Variants in PTPRD observed in about 807,000 individuals in gnomAD.
The protein encoded by PTPRD is protein tyrosine phosphatase receptor type D.
PTPRD carries 34 observed loss-of-function variants against 214.5 expected under a neutral mutation model. That is an observed-to-expected ratio of 0.16 (90% CI 0.12 to 0.21). PTPRD has a LOEUF of 0.21. Ranked by LOEUF, PTPRD falls within the 10% of genes least tolerant of loss-of-function variation. The probability of loss-of-function intolerance (pLI) is 1.00; values close to 1 mark genes in which losing one functional copy is unlikely to be tolerated. For synonymous variants in PTPRD, 1,128 were observed against 845.7 expected, an observed-to-expected ratio of 1.33 and a Z score of -5.79; for missense variants, 2,545 against 2,398.7, an observed-to-expected ratio of 1.06 and a Z score of -1.27.
intron 8 of PTPRD, among the ~76,000 whole-genome samples, chr9:9,506,263 T>A (rs1013901034): frequency 6.6e-6 from 1 of 151,336 alleles, no homozygotes; most frequent in Non-Finnish European, 1.5e-5. Flanking sequence ...AATTTCCCCA[T>A]TCATACTGAG....
At chr9:9,710,557 A>T (rs1422647851) in intron 7 of PTPRD, among the ~76,000 whole-genome samples, 4 of 152,034 alleles carry the variant, frequency 2.6e-5, no homozygotes, top group African/African-American at 9.7e-5. Context: ...TTGCTTCTTA[A>T]TTCAGGTCAT....
intron 14 of PTPRD, among the ~76,000 whole-genome samples, chr9:8,563,583 T>C (rs1369567542): frequency 6.6e-6 from 1 of 151,676 alleles, no homozygotes; most frequent in Non-Finnish European, 1.5e-5. Context: ...ACTATAGACA[T>C]CTGCCGCCAC....
chr9:8,555,921 T>G (rs1163625565), intron 14 of PTPRD, among the ~76,000 whole-genome samples: 1 of 152,050 alleles, frequency 6.6e-6, no homozygotes, highest in East Asian at 1.9e-4. Flanking sequence ...AGCATGGGAG[T>G]ACAGAAATGG....
intron 2 of PTPRD, among the ~76,000 whole-genome samples, chr9:10,356,125 C>T (rs10119683): frequency 0.26 from 36,181 of 140,676 alleles, 4,401 homozygotes; most frequent in South Asian, 0.31. Flanking sequence ...TTTTTTTTTT[C>T]AGGTATTTGT....
chr9:8,633,605 A>T (rs2096326536), intron 13 of PTPRD, 147 bp from the exon 14 acceptor site: 5 of 893,544 alleles, frequency 5.6e-6, no homozygotes, highest in East Asian at 5.6e-5. Context: ...GTGGTGAAAA[A>T]ATATTTGGTC....
At chr9:9,648,476 T>C (rs181352743) in intron 7 of PTPRD, among the ~76,000 whole-genome samples, 101 of 152,328 alleles carry the variant, frequency 6.6e-4, no homozygotes, top group African/African-American at 2.4e-3. Context: ...AATAAAGATT[T>C]GATGTTTCTG....
At chr9:9,110,616 C>A (rs2099804712) in intron 10 of PTPRD, among the ~76,000 whole-genome samples, 1 of 152,108 alleles carries the variant, frequency 6.6e-6, no homozygotes, top group Non-Finnish European at 1.5e-5. Flanking sequence ...TTCTACTCTA[C>A]TTCTTACCCA....
intron 14 of PTPRD, among the ~76,000 whole-genome samples, chr9:8,601,109 G>C (rs1238782168): frequency 6.6e-6 from 1 of 152,118 alleles, no homozygotes. Context: ...GAGCTTGGCA[G>C]TACTCCCTAT....
At chr9:9,702,574 G>GAGAAAA (rs1360601597) in intron 7 of PTPRD, among the ~76,000 whole-genome samples, 1 of 152,140 alleles carries the variant, frequency 6.6e-6, no homozygotes, top group Non-Finnish European at 1.5e-5. Flanking sequence ...GCACAGACAA[G>GAGAAAA]AGAAAAACAG....
At chr9:8,791,816 T>A (rs933266697) in intron 11 of PTPRD, among the ~76,000 whole-genome samples, 4 of 152,072 alleles carry the variant, frequency 2.6e-5, no homozygotes, top group African/African-American at 9.7e-5. Context: ...AAAAGCTCTT[T>A]TGACCCAGGT....
intron 9 of PTPRD, among the ~76,000 whole-genome samples, chr9:9,202,096 G>T (rs1005665543): frequency 4.6e-5 from 7 of 152,186 alleles, no homozygotes; most frequent in African/African-American, 1.7e-4. Context: ...GATGGACTTT[G>T]GATAGTGTGT....
chr9:9,031,666 A>G (rs1373545878), intron 10 of PTPRD, among the ~76,000 whole-genome samples: 1 of 152,098 alleles, frequency 6.6e-6, no homozygotes, highest in Non-Finnish European at 1.5e-5. Flanking sequence ...AATTAATGAA[A>G]GTGTGAATTT....
intron 3 of PTPRD, among the ~76,000 whole-genome samples, chr9:10,181,303 C>G (rs1172999604): frequency 6.6e-6 from 1 of 152,012 alleles, no homozygotes; most frequent in Admixed American, 6.6e-5. Flanking sequence ...TTTAAAAATT[C>G]TAACATAATA....
intron 3 of PTPRD, among the ~76,000 whole-genome samples, chr9:10,057,165 G>A (rs1464850640): frequency 6.6e-6 from 1 of 152,110 alleles, no homozygotes; most frequent in Non-Finnish European, 1.5e-5. Flanking sequence ...TGCTGTGGCT[G>A]TGAATCATAA....
At chr9:8,448,332 A>C (rs913898127) in intron 34 of PTPRD, among the ~76,000 whole-genome samples, 1 of 152,124 alleles carries the variant, frequency 6.6e-6, no homozygotes, top group African/African-American at 2.4e-5. Flanking sequence ...TGTCTCAAAA[A>C]ACCCATCAAT....
At chr9:8,327,143 C>T (rs1834729374) in intron 44 of PTPRD, among the ~76,000 whole-genome samples, 1 of 150,726 alleles carries the variant, frequency 6.6e-6, no homozygotes, top group African/African-American at 2.4e-5. Context: ...TTAGATCTTT[C>T]CTGCTTTCTC....
intron 5 of PTPRD, among the ~76,000 whole-genome samples, chr9:9,914,634 T>C (rs2080179927): frequency 1.3e-5 from 2 of 152,270 alleles, no homozygotes; most frequent in East Asian, 1.9e-4. Flanking sequence ...GTTCTGGCAC[T>C]GTAGGCAACC....
At chr9:10,093,859 C>T (rs1204111899) in intron 3 of PTPRD, among the ~76,000 whole-genome samples, 1 of 151,400 alleles carries the variant, frequency 6.6e-6, no homozygotes, top group African/African-American at 2.4e-5. Context: ...ACTGCATGTT[C>T]TCACTTGTAA....
At chr9:8,626,629 C>T (rs924164261) in intron 14 of PTPRD, among the ~76,000 whole-genome samples, 1 of 151,698 alleles carries the variant, frequency 6.6e-6, no homozygotes, top group Non-Finnish European at 1.5e-5. Context: ...TGTGGGCAAC[C>T]CTTATCCAAT....
Sources: gnomAD v4.1 joint callset for allele counts (sites outside exome capture counted in the v4.1 genomes callset) on GRCh38, gnomAD v4.1.1 for gene constraint, MANE v1.5 for transcripts, NCBI Gene and HGNC (gene_info 2026-07-23, HGNC 2026-07-21) for gene names.